The following PTPRK variants were observed in gnomAD, a reference collection of about 807,000 sequenced individuals.
The protein encoded by PTPRK is protein tyrosine phosphatase receptor type K, also known as receptor-type tyrosine-protein phosphatase kappa.
A neutral mutation model predicts 178.0 loss-of-function variants in PTPRK; 75 were observed. The observed-to-expected ratio is 0.42, with a 90% CI of 0.35 to 0.51. The LOEUF (loss-of-function observed/expected upper bound fraction) is 0.51. Among genes scored for constraint, PTPRK ranks in the 20% least tolerant of loss-of-function variants. The pLI is 0.02. For synonymous variants in PTPRK, 637 were observed against 620.6 expected (o/e 1.03, Z -0.39); for missense variants, 1,441 against 1,797.8 (o/e 0.80, Z 3.59).
At chr6:128,033,979 T>A (rs1010345887) in intron 13 of PTPRK, among the ~76,000 whole-genome samples, 5 of 152,268 alleles carry the variant, frequency 3.3e-5, no homozygotes, top group African/African-American at 1.2e-4. Context: ...TGCGGACACC[T>A]CAAATACCAC....
At chr6:128,246,535 C>G (rs1223021218) in intron 3 of PTPRK, among the ~76,000 whole-genome samples, 1 of 152,168 alleles carries the variant, frequency 6.6e-6, no homozygotes, top group Non-Finnish European at 1.5e-5. Flanking sequence ...TTTCTAAGAT[C>G]AGATTCCTTT....
intron 1 of PTPRK, among the ~76,000 whole-genome samples, chr6:128,504,610 C>T (rs1477088540): frequency 1.3e-5 from 2 of 152,152 alleles, no homozygotes; most frequent in Admixed American, 1.3e-4. Context: ...CGGGAAAGGG[C>T]ACAATGTACC....
At chr6:128,093,627 A>G (rs1389766433) in intron 7 of PTPRK, among the ~76,000 whole-genome samples, 32 of 148,272 alleles carry the variant, frequency 2.2e-4, no homozygotes, top group African/African-American at 5.9e-4. Flanking sequence ...AAAAAAACGA[A>G]AAAACAAAAA....
At chr6:128,264,628 A>G (rs952514285) in intron 3 of PTPRK, among the ~76,000 whole-genome samples, 9 of 152,248 alleles carry the variant, frequency 5.9e-5, no homozygotes, top group East Asian at 1.9e-4. Context: ...AACTGGGACT[A>G]CAGGCATGCA....
Position 128,089,679 on chromosome 6 carries a change from T to C in PTPRK, c.1465+11A>G. On this transcript the variant is annotated intron_variant, in intron 8 of 29. Transcript: ENST00000368226. ...AATTCCCCCCTTTTAAACAGCAAAG[T>C]ATGAGCATACCATCTTCATCAGTTT... 5.6e-6 allele frequency: 9 copies of C among 1,595,078 alleles called. No homozygotes were observed. Among genetic ancestry groups the C allele is most frequent in the Non-Finnish European group, 7.7e-6 (9 of 1,162,942 alleles).
chr6:128,374,896 T>C (rs1272026577), intron 2 of PTPRK, among the ~76,000 whole-genome samples: 3 of 152,000 alleles, frequency 2.0e-5, no homozygotes, highest in South Asian at 2.1e-4. Flanking sequence ...TTAAACCAAA[T>C]TGGTCATCTT....
intron 1 of PTPRK, among the ~76,000 whole-genome samples, chr6:128,504,527 A>G (rs1207532328): frequency 6.6e-6 from 1 of 152,182 alleles, no homozygotes; most frequent in Admixed American, 6.5e-5. Context: ...AACCTAAATT[A>G]AAGGTAAAAA....
In PTPRK at chr6:128,113,781, A is replaced by G. The variant is rs146636062; in HGVS notation, c.1163-23789T>C. ...TCCCAGTAAACAAATGCTTCTGTGT[A>G]CTTAAAAAACACCTCACAAGGAAGA... On this transcript the variant is annotated intron_variant, in intron 7 of 29. Coordinates refer to ENST00000368226, the MANE Select transcript of PTPRK (RefSeq NM_002844.4). Among the ~76,000 whole-genome samples the G allele has an allele frequency of 9.9e-5, 15 of 152,216 alleles. No individual in the cohort carries two copies. The East Asian group carries it at 2.5e-3, about 25-fold the overall frequency.
chr6:128,132,332 G>A (rs765544887), intron 7 of PTPRK, among the ~76,000 whole-genome samples: 11 of 152,120 alleles, frequency 7.2e-5, no homozygotes, highest in East Asian at 3.9e-4. Context: ...CCGCCACCTC[G>A]CCCGGCTAAT....
intron 3 of PTPRK, among the ~76,000 whole-genome samples, chr6:128,260,674 A>G (rs763445472): frequency 6.6e-6 from 1 of 152,154 alleles, no homozygotes; most frequent in Non-Finnish European, 1.5e-5. Flanking sequence ...TATAACCACT[A>G]CCACAACAAA....
intron 2 of PTPRK, among the ~76,000 whole-genome samples, chr6:128,333,799 C>T (rs113584781): frequency 0.014 from 2,203 of 152,226 alleles, 53 homozygotes; most frequent in African/African-American, 0.049. Flanking sequence ...CCTTTGCATT[C>T]GAAACTTGGC....
chr6:128,488,734 G>T (rs776311013), intron 1 of PTPRK, among the ~76,000 whole-genome samples: 7 of 152,128 alleles, frequency 4.6e-5, no homozygotes, highest in Non-Finnish European at 1.0e-4. Flanking sequence ...AAGAAGAAAA[G>T]CATCATACAT....
chr6:128,439,790 T>G (rs1410635703), intron 1 of PTPRK, among the ~76,000 whole-genome samples: 1 of 152,222 alleles, frequency 6.6e-6, no homozygotes, highest in Non-Finnish European at 1.5e-5. Context: ...ATATATTTGG[T>G]CTGTAATGGA....
intron 7 of PTPRK, among the ~76,000 whole-genome samples, chr6:128,168,708 G>T (rs1264924437): frequency 1.3e-5 from 2 of 152,028 alleles, no homozygotes; most frequent in Admixed American, 1.3e-4. Flanking sequence ...GTTGCACCCT[G>T]AAACCATCCC....
chr6:128,064,131 T>C (rs997219634), intron 13 of PTPRK, among the ~76,000 whole-genome samples: 13 of 152,138 alleles, frequency 8.5e-5, no homozygotes, highest in African/African-American at 3.1e-4. Flanking sequence ...TAGGAGACTT[T>C]CCCCCACTTG....
chr6:128,042,555 C>CCTTTGATT (rs1454771168), intron 13 of PTPRK, among the ~76,000 whole-genome samples: 1 of 152,186 alleles, frequency 6.6e-6, no homozygotes, highest in East Asian at 1.9e-4. Flanking sequence ...CCCTTCTCTG[C>CCTTTGATT]CTTTGATTCT....
chr6:127,998,963 A>G (rs771311665), intron 15 of PTPRK, 59 bp from the exon 16 acceptor site: 206 of 1,367,708 alleles, frequency 1.5e-4, no homozygotes, highest in Middle Eastern at 1.9e-4. Context: ...TGTTTAATAT[A>G]TGTATCTATG....
intron 1 of PTPRK, among the ~76,000 whole-genome samples, chr6:128,406,693 G>C (rs1380130802): frequency 6.6e-6 from 1 of 152,144 alleles, no homozygotes; most frequent in African/African-American, 2.4e-5. Context: ...AGCACTCTGG[G>C]TTTTAAGGGA....
At chr6:128,004,890 TA>T in intron 15 of PTPRK, 193 bp downstream of exon 15, 2 of 539,048 alleles carry the variant, frequency 3.7e-6, no homozygotes. Context: ...AGTTTGAAGT[TA>T]AACTAAATCC....
Sources: allele counts gnomAD v4.1 joint callset (sites outside exome capture counted in the v4.1 genomes callset), GRCh38; gene constraint gnomAD v4.1.1; transcripts MANE v1.5; gene names NCBI Gene and HGNC (gene_info 2026-07-23, HGNC 2026-07-21).